SLC22A23: variants seen among roughly 807,000 people sequenced by gnomAD.
SLC22A23 encodes the protein ion transporter protein.
A neutral mutation model predicts 61.0 loss-of-function variants in SLC22A23; 26 were observed. The ratio of observed to expected loss-of-function variants is 0.43; its 90% confidence interval spans 0.31 to 0.59. The LOEUF (loss-of-function observed/expected upper bound fraction) is 0.59. SLC22A23 is among the 20% of genes least tolerant of loss of function. The pLI is 0.11. For missense variants in SLC22A23, 796 were observed against 934.7 expected, an observed-to-expected ratio of 0.85 and a Z score of 1.94; for synonymous variants, 430 against 413.9, an observed-to-expected ratio of 1.04 and a Z score of -0.47.
chr6:3,298,143 G>C lies in SLC22A23; in HGVS notation c.1158C>G (p.Phe386Leu), dbSNP rs761895778. 13 of 1,590,494 alleles carry C rather than the reference G, an allele frequency of 8.2e-6. No individual in the cohort carries two copies. Among genetic ancestry groups the C allele is most frequent in the Non-Finnish European group, 1.1e-5 (13 of 1,171,040 alleles). ...FESAKRLILH[F>L]TQKNRMNPEG... The stretch of plus-strand genomic sequence containing the variant: ...CAGGGTTCATGCGATTCTTCTGTGT[G>C]AAGTGGAGGATCAGCCTCTTTGCAG... The change falls in exon 5 of 10, where the codon TTC becomes TTG. Residue 386 changes from phenylalanine (F) to leucine (L), a missense_variant. Phe to Leu is a conservative substitution (Grantham distance 22, BLOSUM62 0). Transcript: ENST00000406686.
intron 1 of SLC22A23, among the ~76,000 whole-genome samples, chr6:3,447,580 TTTC>T (rs1196256190): frequency 1.7e-5 from 2 of 114,894 alleles, no homozygotes; most frequent in African/African-American, 6.5e-5. Flanking sequence ...GGAAAGAAAC[TTTC>T]TTTTTTTTTT....
At chr6:3,394,663 T>C (rs1278420202) in intron 3 of SLC22A23, among the ~76,000 whole-genome samples, 1 of 152,082 alleles carries the variant, frequency 6.6e-6, no homozygotes, top group African/African-American at 2.4e-5. Context: ...AGCACATCAC[T>C]TTGTCCCTCA....
Position 3,456,399 on chromosome 6 carries a change from G to A in SLC22A23, c.161C>T (p.Pro54Leu). Reference protein sequence around the residue: ...PGGGAEIQPLPPLHPGGGPHP... With the variant: ...PGGGAEIQPLLPLHPGGGPHP... ...CGGGCCGCCTCCAGGATGCAGTGGGGGCAGCGGCTGGATCTCCGCGCCGCC... is the reference window on the plus strand; with the variant it reads ...CGGGCCGCCTCCAGGATGCAGTGGGAGCAGCGGCTGGATCTCCGCGCCGCC... Residue 54 changes from proline to leucine, a missense_variant, in exon 1 of 10, where the codon CCC becomes CTC. Transcript: ENST00000406686. The surrounding 1 kb of genome is among the most constrained non-coding windows in gnomAD (Gnocchi z 7.1). 1 of 1,494,790 alleles carries A rather than the reference G, an allele frequency of 6.7e-7. No homozygotes were observed. The highest frequency in any genetic ancestry group is 8.9e-7 in the Non-Finnish European group (1 of 1,118,716). The allele number at this position is 1,494,790 out of a possible 1,614,324, so 92.6% of individuals were successfully genotyped here.
intron 3 of SLC22A23, among the ~76,000 whole-genome samples, chr6:3,393,606 G>A (rs1767809648): frequency 6.6e-6 from 1 of 152,174 alleles, no homozygotes; most frequent in Admixed American, 6.5e-5. Context: ...ATGTGAGCGG[G>A]AAAATGGCAG....
Position 3,318,043 on chromosome 6 carries a change from C to T in SLC22A23, c.1082+5791G>A, listed in dbSNP as rs1201947554. Among the ~76,000 whole-genome samples the T allele has an allele frequency of 6.6e-6, 1 of 152,160 alleles. No homozygotes were observed. The highest frequency in any genetic ancestry group is 1.5e-5 in the Non-Finnish European group (1 of 68,028). ...TTGCATCACCAGAGACTCCTGTGCT[C>T]ACTGCACCCCCTGCCAAGTCCCTGT... On this transcript the variant is annotated intron_variant, in intron 4 of 9. Coordinates refer to ENST00000406686, the MANE Select transcript of SLC22A23 (RefSeq NM_015482.2). The surrounding 1 kb of genome is among the most constrained non-coding windows in gnomAD (Gnocchi z 4.3).
chr6:3,450,580 C>G (rs11759522), intron 1 of SLC22A23, among the ~76,000 whole-genome samples: 62,079 of 152,240 alleles, frequency 0.41, 13,122 homozygotes, highest in South Asian at 0.63. Flanking sequence ...GCTGGCATTA[C>G]AGGCGTGAGC....
At chr6:3,332,029 G>A (rs1763606764) in intron 3 of SLC22A23, among the ~76,000 whole-genome samples, 1 of 152,148 alleles carries the variant, frequency 6.6e-6, no homozygotes, top group Non-Finnish European at 1.5e-5. Context: ...CATACGCAGT[G>A]AGTGACCATG....
intron 9 of SLC22A23, among the ~76,000 whole-genome samples, chr6:3,273,841 G>T (rs769120050): frequency 3.9e-5 from 6 of 152,094 alleles, no homozygotes; most frequent in Non-Finnish European, 7.3e-5. Flanking sequence ...GATTACCAAG[G>T]GTTAAAGAGG....
At position 3,285,108 on chromosome 6, in the gene SLC22A23, A is replaced by G; in HGVS notation, c.1550T>C (p.Ile517Thr). ...GTCTGGGTGCTGGCTGTACTTTCCAATCACTGGACCCGCAGACATGATCGC... is the reference window on the plus strand; with the variant it reads ...GTCTGGGTGCTGGCTGTACTTTCCAGTCACTGGACCCGCAGACATGATCGC... ...SLLQLGLLNL[I>T]GKYSQHPDSG... The change falls in exon 8 of 10, where the codon ATT becomes ACT. Residue 517 changes from isoleucine (I) to threonine (T), a missense_variant. By Grantham distance (89) the Ile-to-Thr change is moderately conservative. Coordinates refer to ENST00000406686, the MANE Select transcript of SLC22A23 (RefSeq NM_015482.2). 4 of 1,613,560 alleles carry G rather than the reference A, an allele frequency of 2.5e-6. No homozygotes were observed. Among genetic ancestry groups the G allele is most frequent in the Non-Finnish European group, 1.7e-6 (2 of 1,179,742 alleles).
chr6:3,456,069 G>A lies in SLC22A23; in HGVS notation c.491C>T (p.Pro164Leu). ...GCTCCGGTTGCCCGCAGCCTCCCAG[G>A]GGGCAGTGGCGAAGGGGGTGGTGGG... ...SLPTTPFATA[P>L]WEAAGNRSNS... Residue 164 changes from proline (P) to leucine (L), a missense_variant, in exon 1 of 10, where the codon CCC becomes CTC. Physicochemically the swap from Pro to Leu is moderately conservative, Grantham distance 98 (BLOSUM62 -3). Transcript: ENST00000406686. This position sits in a 1 kb window ranked among gnomAD's most constrained non-coding sequence, Gnocchi z 7.1. The A allele has an allele frequency of 1.9e-6, 3 of 1,549,818 alleles. No individual in the cohort carries two copies. The highest frequency in any genetic ancestry group is 2.6e-6 in the Non-Finnish European group (3 of 1,146,738).
Position 3,287,106 on chromosome 6 carries a change from C to T in SLC22A23, c.1314-15G>A, listed in dbSNP as rs1442460416. On this transcript the variant is annotated splice_polypyrimidine_tract_variant and intron_variant, in intron 6 of 9. Coordinates refer to ENST00000406686, the MANE Select transcript of SLC22A23 (RefSeq NM_015482.2). ...ACCCCGTCAGCCTGTGGAGACATAC[C>T]GAGCGGCAGTGGGTGGGCTGCCCCC... 1.4e-5 allele frequency: 23 copies of T among 1,612,308 alleles called. No homozygotes were observed. Among genetic ancestry groups the T allele is most frequent in the Non-Finnish European group, 1.9e-5 (22 of 1,179,060 alleles).
chr6:3,301,331 A>G (rs1432588545), intron 4 of SLC22A23, among the ~76,000 whole-genome samples: 3 of 152,130 alleles, frequency 2.0e-5, no homozygotes, highest in Non-Finnish European at 4.4e-5. Flanking sequence ...TCTAGATATT[A>G]TCATTTGAGA....
intron 1 of SLC22A23, among the ~76,000 whole-genome samples, chr6:3,418,448 C>A (rs1233710696): frequency 6.6e-6 from 1 of 152,222 alleles, no homozygotes; most frequent in Non-Finnish European, 1.5e-5. Context: ...CCAGACCTGG[C>A]CTTGGGCAGC....
chr6:3,436,873 T>C (rs182862253), intron 1 of SLC22A23, among the ~76,000 whole-genome samples: 2 of 152,374 alleles, frequency 1.3e-5, no homozygotes, highest in East Asian at 1.9e-4. Context: ...GTGTTTGCTA[T>C]ATAGATTCAA....
intron 3 of SLC22A23, among the ~76,000 whole-genome samples, chr6:3,397,074 C>A (rs1768060032): frequency 6.6e-6 from 1 of 152,172 alleles, no homozygotes; most frequent in South Asian, 2.1e-4. Context: ...GGGGTCGCAG[C>A]CCCACAGCCT....
chr6:3,443,975 T>G (rs528295408), intron 1 of SLC22A23, among the ~76,000 whole-genome samples: 4 of 152,358 alleles, frequency 2.6e-5, no homozygotes, highest in Admixed American at 1.3e-4. Context: ...GATCCCACCT[T>G]CCACCTGCTG....
chr6:3,382,854 C>T (rs995733709), intron 3 of SLC22A23, among the ~76,000 whole-genome samples: 1 of 152,070 alleles, frequency 6.6e-6, no homozygotes, highest in African/African-American at 2.4e-5. Context: ...GAGCTCTTGC[C>T]AAAGAAGGGC....
chr6:3,292,563 C>T (rs997209005), intron 5 of SLC22A23, among the ~76,000 whole-genome samples: 2 of 152,206 alleles, frequency 1.3e-5, no homozygotes, highest in African/African-American at 4.8e-5. Flanking sequence ...CAACCAAAAC[C>T]CACGTCGAGC....
At chr6:3,347,638 C>T (rs745323503) in intron 3 of SLC22A23, among the ~76,000 whole-genome samples, 6 of 152,094 alleles carry the variant, frequency 3.9e-5, no homozygotes, top group Non-Finnish European at 7.4e-5. Flanking sequence ...CCTCCTGGTT[C>T]TTCTCAATGG....
Sources: allele counts gnomAD v4.1 joint callset (sites outside exome capture counted in the v4.1 genomes callset), GRCh38; gene constraint gnomAD v4.1.1; non-coding constraint Gnocchi (gnomAD v3.1); transcripts MANE v1.5; gene names NCBI Gene and HGNC (gene_info 2026-07-23, HGNC 2026-07-21).